NT5DC3: variants seen among roughly 807,000 people sequenced by gnomAD.
NT5DC3 encodes the protein 5'-nucleotidase domain-containing protein 3.
Under a neutral mutation model 67.8 loss-of-function variants are expected in NT5DC3, and 42 were observed. That is an observed-to-expected ratio of 0.62 (90% CI 0.48 to 0.80). The LOEUF is 0.80. Among genes scored for constraint, NT5DC3 ranks in the 30% least tolerant of loss-of-function variants. The pLI is 0.00. For missense variants in NT5DC3, 570 were observed against 696.4 expected, an observed-to-expected ratio of 0.82 and a Z score of 2.04; for synonymous variants, 237 against 255.6, an observed-to-expected ratio of 0.93 and a Z score of 0.69.
At chr12:103,746,344 C>A in the NT5DC3 span, 1 of 339,580 alleles carries the variant, frequency 2.9e-6, no homozygotes. Flanking sequence ...AATTGATAGC[C>A]CCTAAAGAAC....
chr12:103,787,618 T>A (rs1466802721), intron 10 of NT5DC3, 91 bp from the exon 11 acceptor site: 1 of 608,308 alleles, frequency 1.6e-6, no homozygotes, highest in Non-Finnish European at 2.7e-6. Flanking sequence ...AAAATTGTTG[T>A]TTTTATAACT....
At chr12:103,810,117 G>A (rs887178342) in intron 2 of NT5DC3, among the ~76,000 whole-genome samples, 6 of 152,152 alleles carry the variant, frequency 3.9e-5, no homozygotes, top group Non-Finnish European at 5.9e-5. Context: ...GAGAACTGGC[G>A]GCCTGGGGTT....
chr12:103,838,462 T>A (rs1174890603), intron 1 of NT5DC3, among the ~76,000 whole-genome samples: 1 of 152,192 alleles, frequency 6.6e-6, no homozygotes, highest in Non-Finnish European at 1.5e-5. Context: ...ACCTCCCAGT[T>A]CTCACAGGCA....
the NT5DC3 span, chr12:103,763,489 C>T: frequency 1.2e-6 from 2 of 1,613,500 alleles, no homozygotes. Flanking sequence ...TCTTTCCAAA[C>T]AGTCGGAAGA....
chr12:103,787,514 T>G lies in NT5DC3; in HGVS notation c.1115A>C (p.Glu372Ala). The G allele has an allele frequency of 6.3e-7, 1 of 1,589,424 alleles. No homozygotes were observed. Among genetic ancestry groups the G allele is most frequent in the Non-Finnish European group, 8.6e-7 (1 of 1,162,086 alleles). Reference protein sequence around the residue: ...GQIYKQGNLYEFLKLTGWRGS... With the variant: ...GQIYKQGNLYAFLKLTGWRGS... ...TCTCCATCCAGTAAGCTTCAAAAAT[T>G]CATATAAATTACCCTGTAATCAGAG... The change falls in exon 11 of 14, where the codon GAA becomes GCA. Residue 372 changes from glutamate (E) to alanine (A), a missense_variant. By Grantham distance (107) the Glu-to-Ala change is moderately radical. This residue lies in a region of NT5DC3 where 466 missense variants were observed against 608.0 expected (regional missense o/e 0.77). Transcript: ENST00000392876.
intron 9 of NT5DC3, among the ~76,000 whole-genome samples, chr12:103,790,692 ATCTTT>A (rs1886010478): frequency 1.9e-5 from 2 of 106,842 alleles, no homozygotes; most frequent in African/African-American, 3.4e-5. Context: ...GCCCAAGTAC[ATCTTT>A]TTTTTTTTTT....
the NT5DC3 span, chr12:103,750,479 C>G: frequency 8.0e-6 from 12 of 1,491,174 alleles, no homozygotes; most frequent in African/African-American, 1.7e-4. Context: ...CTTGGTCCAT[C>G]TGAACACCTC....
the NT5DC3 span, among the ~76,000 whole-genome samples, chr12:103,749,841 C>CAAAAAAAG: frequency 2.0e-5 from 1 of 51,132 alleles, no homozygotes; most frequent in Admixed American, 3.3e-4. Context: ...CTCTGTCTCA[C>CAAAAAAAG]AAAAAAAAAA....
chr12:103,790,114 G>GT (rs1415113390), intron 9 of NT5DC3, among the ~76,000 whole-genome samples: 1 of 151,260 alleles, frequency 6.6e-6, no homozygotes, highest in African/African-American at 2.4e-5. Flanking sequence ...TACATTTTTG[G>GT]TTTTTTTGGA....
At chr12:103,765,224 T>G in the NT5DC3 span, among the ~76,000 whole-genome samples, 5 of 151,982 alleles carry the variant, frequency 3.3e-5, no homozygotes, top group South Asian at 1.0e-3. Flanking sequence ...ATGCACCCCA[T>G]GCCTTCCCTG....
At position 103,806,868 on chromosome 12, in the gene NT5DC3, T is replaced by C; in HGVS notation, c.455A>G (p.Tyr152Cys). The C allele has an allele frequency of 6.3e-7, 1 of 1,599,210 alleles. No individual in the cohort carries two copies. Among genetic ancestry groups the C allele is most frequent in the East Asian group, 2.2e-5 (1 of 44,814 alleles). ...DPNFAIRGLH[Y>C]DVQRAVLMKI... Reference sequence around the variant, plus strand: ...AAGTAAACCTACCCGCTGTACATCATAATGAAGTCCACGAATTGCAAAATT... The same window carrying C: ...AAGTAAACCTACCCGCTGTACATCACAATGAAGTCCACGAATTGCAAAATT... Residue 152 changes from tyrosine to cysteine, a missense_variant, in exon 3 of 14, where the codon TAT becomes TGT. By Grantham distance (194) the Tyr-to-Cys change is radical. Coordinates refer to ENST00000392876, the MANE Select transcript of NT5DC3 (RefSeq NM_001031701.3).
At position 103,777,842 on chromosome 12, in the gene NT5DC3, G is replaced by T; in HGVS notation, c.1634C>A (p.Ala545Asp). ...TTTTGCCCTTGGCTACTTGGCCTGG[G>T]CCTCCTGCAGGAGAGGGGTTCCGAA... is the stretch of plus-strand genomic sequence containing the variant. The part of the protein sequence containing the change: ...PTFGTPLLQE[A>D]QAK The change falls in exon 14 of 14, where the codon GCC becomes GAC. Residue 545 changes from alanine (A) to aspartate (D), a missense_variant. Ala to Asp is a moderately radical substitution (Grantham distance 126). This residue lies in a region of NT5DC3 where 466 missense variants were observed against 608.0 expected (regional missense o/e 0.77). Transcript: ENST00000392876. The T allele has an allele frequency of 6.2e-7, 1 of 1,612,746 alleles. No individual in the cohort carries two copies. Among genetic ancestry groups the T allele is most frequent in the Non-Finnish European group, 8.5e-7 (1 of 1,179,444 alleles).
intron 12 of NT5DC3, among the ~76,000 whole-genome samples, chr12:103,783,792 C>CCA (rs1555259107): frequency 3.5e-5 from 5 of 142,642 alleles, no homozygotes; most frequent in African/African-American, 1.3e-4. Flanking sequence ...AAAATAAAAC[C>CCA]AAAAAAAAAA....
At chr12:103,748,951 C>T in the NT5DC3 span, 4 of 1,609,776 alleles carry the variant, frequency 2.5e-6, no homozygotes, top group Non-Finnish European at 3.4e-6. Flanking sequence ...CCTCTCTCCT[C>T]TGCTCTTGCA....
intron 2 of NT5DC3, among the ~76,000 whole-genome samples, chr12:103,809,587 A>G (rs533964530): frequency 6.6e-6 from 1 of 152,358 alleles, no homozygotes; most frequent in South Asian, 2.1e-4. Context: ...GTCACATCTT[A>G]CATGGCAGCA....
intron 2 of NT5DC3, among the ~76,000 whole-genome samples, chr12:103,807,138 C>A (rs1454330905): frequency 6.6e-6 from 1 of 152,170 alleles, no homozygotes; most frequent in Non-Finnish European, 1.5e-5. Flanking sequence ...CTGCCCTGTA[C>A]CCTGTCCATC....
intron 12 of NT5DC3, among the ~76,000 whole-genome samples, chr12:103,782,363 C>T (rs1885590051): frequency 1.4e-5 from 2 of 141,408 alleles, no homozygotes; most frequent in Non-Finnish European, 3.1e-5. Context: ...GTGAGACTGC[C>T]TCAAAAGAAA....
chr12:103,770,222 T>G (rs1340871911), downstream of NT5DC3, among the ~76,000 whole-genome samples: 1 of 152,230 alleles, frequency 6.6e-6, no homozygotes, highest in African/African-American at 2.4e-5. Flanking sequence ...TTTAAAGCTA[T>G]ACATGTAAAC....
At chr12:103,799,804 C>CAAAAAAA (rs72379630) in intron 4 of NT5DC3, among the ~76,000 whole-genome samples, 1 of 131,492 alleles carries the variant, frequency 7.6e-6, no homozygotes, top group Non-Finnish European at 1.6e-5. Flanking sequence ...CTCCACATAC[C>CAAAAAAA]AAAAAAAAAA....
Sources: gnomAD v4.1 joint callset for allele counts (sites outside exome capture counted in the v4.1 genomes callset) on GRCh38, gnomAD v4.1.1 for gene constraint, gnomAD v4.1.1 regional missense constraint, MANE v1.5 for transcripts, NCBI Gene and HGNC (gene_info 2026-07-23, HGNC 2026-07-21) for gene names.